Variants in CLVS1 observed in about 807,000 individuals in gnomAD.
CLVS1 encodes the protein clavesin-1.
CLVS1 carries 10 observed loss-of-function variants against 33.1 expected under a neutral mutation model. That is an observed-to-expected ratio of 0.30 (90% confidence interval 0.19 to 0.51). The LOEUF (loss-of-function observed/expected upper bound fraction) is 0.51. Ranked by LOEUF, CLVS1 falls within the 20% of genes least tolerant of loss-of-function variation. CLVS1 has a pLI of 0.97. For synonymous variants in CLVS1, 163 were observed against 166.1 expected (o/e 0.98, Z 0.14); for missense variants, 343 against 433.4 (o/e 0.79, Z 1.85).
intron 3 of CLVS1, among the ~76,000 whole-genome samples, chr8:61,433,382 ATAAAG>A (rs539620755): frequency 6.6e-6 from 1 of 152,214 alleles, no homozygotes; most frequent in Non-Finnish European, 1.5e-5. Context: ...TTTACATACA[ATAAAG>A]TAAAGATGTG....
At chr8:61,136,215 T>C (rs1257245563) in intron 2 of CLVS1, among the ~76,000 whole-genome samples, 1 of 152,224 alleles carries the variant, frequency 6.6e-6, no homozygotes, top group African/African-American at 2.4e-5. Context: ...AGGGTCATAT[T>C]GGATGCACGT....
At chr8:61,246,353 A>G (rs1464193028) in intron 2 of CLVS1, among the ~76,000 whole-genome samples, 1 of 150,996 alleles carries the variant, frequency 6.6e-6, no homozygotes, top group African/African-American at 2.4e-5. Flanking sequence ...CATTTTTAGT[A>G]GAGATGGGGT....
At chr8:61,339,917 G>A (rs920645894) in intron 2 of CLVS1, among the ~76,000 whole-genome samples, 1 of 150,772 alleles carries the variant, frequency 6.6e-6, no homozygotes, top group African/African-American at 2.4e-5. Context: ...GGGAAAGAAA[G>A]AGAGTGAAAG....
intron 3 of CLVS1, among the ~76,000 whole-genome samples, chr8:61,431,839 CTG>C (rs1816126449): frequency 6.6e-6 from 1 of 152,162 alleles, no homozygotes; most frequent in Non-Finnish European, 1.5e-5. Flanking sequence ...CAGAAAATTT[CTG>C]TGTTTTCCCA....
chr8:61,055,888 A>G (rs1339643566), upstream of CLVS1, among the ~76,000 whole-genome samples: 2 of 152,222 alleles, frequency 1.3e-5, no homozygotes, highest in Admixed American at 6.5e-5. Flanking sequence ...CCTCCATGAT[A>G]TGGTTCAGAG....
At position 61,196,670 on chromosome 8, in the gene CLVS1, C is replaced by T. The variant is rs140878675; in HGVS notation, c.-152+64810C>T. Among the ~76,000 whole-genome samples the T allele has an allele frequency of 5.5e-4, 83 of 152,288 alleles. 1 individual carries two copies. The highest frequency in any genetic ancestry group is 2.9e-3 in the South Asian group (14 of 4,824). ...CTCCAGCTTGAGTGTATGGTGGCTACAGTCAGGGACAATGGAGGAACAAAC... is the reference window on the plus strand; with the variant it reads ...CTCCAGCTTGAGTGTATGGTGGCTATAGTCAGGGACAATGGAGGAACAAAC... On this transcript the variant is annotated intron_variant, in intron 2 of 2. Transcript: ENST00000522621.
At chr8:61,129,931 A>G (rs1250691071) in intron 1 of CLVS1, among the ~76,000 whole-genome samples, 1 of 152,118 alleles carries the variant, frequency 6.6e-6, no homozygotes, top group Non-Finnish European at 1.5e-5. Context: ...TGTAATCCTG[A>G]TTGATCAATT....
intron 2 of CLVS1, among the ~76,000 whole-genome samples, chr8:61,169,302 C>A (rs1338318389): frequency 6.6e-6 from 1 of 152,138 alleles, no homozygotes; most frequent in Admixed American, 6.5e-5. Context: ...ACTTTTTAAC[C>A]TTACCTTTTT....
chr8:61,203,954 T>C (rs1255900999), intron 2 of CLVS1, among the ~76,000 whole-genome samples: 6 of 152,222 alleles, frequency 3.9e-5, no homozygotes, highest in African/African-American at 1.2e-4. Context: ...TGCTAGGTGG[T>C]AGTTACCTTC....
intron 2 of CLVS1, among the ~76,000 whole-genome samples, chr8:61,257,518 T>C (rs557294289): frequency 1.8e-4 from 27 of 152,234 alleles, no homozygotes; most frequent in Non-Finnish European, 3.5e-4. Flanking sequence ...AATGCTCCTG[T>C]CTGCTTTTAA....
At chr8:61,209,548 G>A (rs1043720319) in intron 2 of CLVS1, among the ~76,000 whole-genome samples, 4 of 152,230 alleles carry the variant, frequency 2.6e-5, no homozygotes, top group Non-Finnish European at 5.9e-5. Context: ...AATAGAGACA[G>A]AAGAAGAGAC....
At chr8:61,111,021 G>T (rs1164688105) in intron 1 of CLVS1, among the ~76,000 whole-genome samples, 1 of 152,148 alleles carries the variant, frequency 6.6e-6, no homozygotes, top group Non-Finnish European at 1.5e-5. Flanking sequence ...ATCTCTTTAA[G>T]ATCCACTTTC....
chr8:61,318,425 A>T (rs1189924355), intron 2 of CLVS1, among the ~76,000 whole-genome samples: 4 of 152,334 alleles, frequency 2.6e-5, no homozygotes, highest in South Asian at 4.1e-4. Context: ...AGAGCTGAAC[A>T]AGGGAGAAGT....
At chr8:61,478,143 A>G (rs1229425862) in intron 5 of CLVS1, among the ~76,000 whole-genome samples, 2 of 152,124 alleles carry the variant, frequency 1.3e-5, no homozygotes, top group Non-Finnish European at 1.5e-5. Context: ...GAGTTTCTTA[A>G]TCCTGAGTTC....
At chr8:61,012,592 G>A in the CLVS1 span, among the ~76,000 whole-genome samples, 11 of 152,292 alleles carry the variant, frequency 7.2e-5, no homozygotes, top group Middle Eastern at 3.4e-3. Flanking sequence ...ACATTTCAGC[G>A]TGCATGACAT....
chr8:61,000,588 C>G, the CLVS1 span, among the ~76,000 whole-genome samples: 1 of 152,168 alleles, frequency 6.6e-6, no homozygotes, highest in South Asian at 2.1e-4. Flanking sequence ...CTAATAAAAA[C>G]GTCAAAGATT....
In CLVS1 at chr8:61,384,911, T is replaced by A. The variant is rs187104867; in HGVS notation, c.630+8132T>A. Reference sequence around the variant, plus strand: ...ATGGGGAGATCGGGACAGGAAGCTGTGAGAAGAATCAGGACAGAAACTAAG... The same window carrying A: ...ATGGGGAGATCGGGACAGGAAGCTGAGAGAAGAATCAGGACAGAAACTAAG... On this transcript the variant is annotated intron_variant, in intron 3 of 5. Transcript: ENST00000325897. 5.9e-3 allele frequency among the ~76,000 whole-genome samples: 903 copies of A among 152,096 alleles called. 4 individuals are homozygous for A. The highest frequency in any genetic ancestry group is 9.4e-3 in the Non-Finnish European group (637 of 67,984).
intron 2 of CLVS1, among the ~76,000 whole-genome samples, chr8:61,192,548 A>G (rs1204343733): frequency 6.6e-6 from 1 of 152,224 alleles, no homozygotes; most frequent in African/African-American, 2.4e-5. Flanking sequence ...GAGCTTCTGC[A>G]CAGCAAAAGA....
intron 2 of CLVS1, among the ~76,000 whole-genome samples, chr8:61,302,497 G>T (rs1359599020): frequency 2.0e-5 from 3 of 152,110 alleles, no homozygotes; most frequent in Non-Finnish European, 4.4e-5. Flanking sequence ...GGACCCCATT[G>T]TTCAGCTGGA....
Sources: allele counts gnomAD v4.1 joint callset (sites outside exome capture counted in the v4.1 genomes callset), GRCh38; gene constraint gnomAD v4.1.1; transcripts MANE v1.5; gene names NCBI Gene and HGNC (gene_info 2026-07-23, HGNC 2026-07-21).